Variants in NELL1 observed in about 807,000 individuals in gnomAD.
NELL1 encodes the protein neural EGFL like 1.
In NELL1, 76 loss-of-function variants were observed where a neutral mutation model predicts 107.4. The observed-to-expected ratio is 0.71, with a 90% CI of 0.59 to 0.86. The LOEUF (loss-of-function observed/expected upper bound fraction) is 0.86. NELL1 is among the 40% of genes least tolerant of loss of function. The probability of loss-of-function intolerance (pLI) is 0.00; values close to 1 mark genes in which losing one functional copy is unlikely to be tolerated. For synonymous variants in NELL1, 353 were observed against 341.2 expected, an observed-to-expected ratio of 1.03 and a Z score of -0.38; for missense variants, 1,024 against 1,005.5, an observed-to-expected ratio of 1.02 and a Z score of -0.25.
intron 3 of NELL1, among the ~76,000 whole-genome samples, chr11:20,828,409 T>C (rs1857931127): frequency 6.6e-6 from 1 of 152,212 alleles, no homozygotes; most frequent in African/African-American, 2.4e-5. Context: ...TTGCAAACAC[T>C]AGAAACCCAG....
rs541776708 is a variant in NELL1, at chr11:20,992,750, T to G, written c.1300+32190T>G. On this transcript the variant is annotated intron_variant, in intron 12 of 19. Coordinates refer to ENST00000357134, the MANE Select transcript of NELL1 (RefSeq NM_006157.5). Reference sequence around the variant, plus strand: ...TTTTTTTGAAACAGAGTTTCTCTCCTGTTACCGAGGCTGGAGTGCAATGGT... The same window carrying G: ...TTTTTTTGAAACAGAGTTTCTCTCCGGTTACCGAGGCTGGAGTGCAATGGT... Among the ~76,000 whole-genome samples, 9 of 146,950 alleles carry G rather than the reference T, an allele frequency of 6.1e-5. No individual in the cohort carries two copies. The South Asian group carries it at 1.8e-3, about 29-fold the overall frequency.
chr11:20,733,816 A>G (rs1855700657), intron 2 of NELL1, among the ~76,000 whole-genome samples: 2 of 152,210 alleles, frequency 1.3e-5, no homozygotes, highest in South Asian at 4.1e-4. Flanking sequence ...ACTCTTTACT[A>G]GTTATTGTTT....
intron 12 of NELL1, among the ~76,000 whole-genome samples, chr11:21,060,595 G>T (rs932858318): frequency 6.6e-6 from 1 of 152,172 alleles, no homozygotes; most frequent in Non-Finnish European, 1.5e-5. Flanking sequence ...AGAGAGTTGG[G>T]AGAAGTAGAG....
chr11:20,965,634 CT>C (rs1248880018), intron 12 of NELL1, among the ~76,000 whole-genome samples: 2 of 152,116 alleles, frequency 1.3e-5, no homozygotes, highest in Non-Finnish European at 2.9e-5. Context: ...AAAAAATGAC[CT>C]GAATTGGTAT....
chr11:21,161,985 C>G (rs1395776082), intron 13 of NELL1, among the ~76,000 whole-genome samples: 1 of 105,404 alleles, frequency 9.5e-6, no homozygotes, highest in Non-Finnish European at 1.7e-5. Flanking sequence ...GAGTCTTGCT[C>G]TGTTGCCCAG....
chr11:20,990,412 C>A (rs954259935), intron 12 of NELL1, among the ~76,000 whole-genome samples: 1 of 152,176 alleles, frequency 6.6e-6, no homozygotes, highest in Non-Finnish European at 1.5e-5. Flanking sequence ...TTTCACAGTG[C>A]CCACTTGACC....
intron 16 of NELL1, among the ~76,000 whole-genome samples, chr11:21,549,582 G>A (rs1271332615): frequency 1.3e-5 from 2 of 151,758 alleles, no homozygotes; most frequent in Non-Finnish European, 2.9e-5. Flanking sequence ...GCTGAAAAGT[G>A]AATTTATAAA....
intron 14 of NELL1, among the ~76,000 whole-genome samples, chr11:21,264,377 C>G (rs1901945): frequency 0.47 from 70,831 of 151,562 alleles, 16,847 homozygotes; most frequent in South Asian, 0.68. Flanking sequence ...CTGCACAAGC[C>G]TTGAATATGG....
chr11:20,826,086 GC>G (rs936806624), intron 3 of NELL1, among the ~76,000 whole-genome samples: 3 of 151,414 alleles, frequency 2.0e-5, no homozygotes, highest in African/African-American at 7.2e-5. Flanking sequence ...TGTGTTTGCT[GC>G]TTTTTCCATC....
At chr11:20,679,291 A>C (rs1415431027) in intron 2 of NELL1, among the ~76,000 whole-genome samples, 1 of 152,210 alleles carries the variant, frequency 6.6e-6, no homozygotes, top group Non-Finnish European at 1.5e-5. Flanking sequence ...AAACAGGGAA[A>C]TGAACTGACC....
At chr11:21,551,376 A>T (rs1422394470) in intron 16 of NELL1, among the ~76,000 whole-genome samples, 1 of 151,978 alleles carries the variant, frequency 6.6e-6, no homozygotes, top group East Asian at 1.9e-4. Context: ...TTCCAACACT[A>T]TGTTGAATAG....
At chr11:21,490,565 G>T (rs943997239) in intron 15 of NELL1, among the ~76,000 whole-genome samples, 4 of 150,418 alleles carry the variant, frequency 2.7e-5, no homozygotes, top group Admixed American at 2.0e-4. Context: ...CAAGGCTATA[G>T]TAACCAAAAC....
intron 15 of NELL1, among the ~76,000 whole-genome samples, chr11:21,380,907 C>T (rs1470397112): frequency 1.3e-5 from 2 of 151,984 alleles, no homozygotes; most frequent in African/African-American, 4.8e-5. Context: ...ACTAAATCTG[C>T]CTCTGTGAAG....
intron 15 of NELL1, among the ~76,000 whole-genome samples, chr11:21,429,808 C>T (rs139937444): frequency 6.6e-6 from 1 of 152,238 alleles, no homozygotes; most frequent in East Asian, 1.9e-4. Context: ...TGTGGGTTCA[C>T]AAGAGTTCAG....
intron 4 of NELL1, among the ~76,000 whole-genome samples, chr11:20,867,984 G>T (rs1005243335): frequency 1.3e-4 from 20 of 152,136 alleles, no homozygotes; most frequent in Admixed American, 9.8e-4. Flanking sequence ...ATAGAGGGAG[G>T]GTGGAAGAGA....
At chr11:21,045,476 G>T (rs1004030740) in intron 12 of NELL1, among the ~76,000 whole-genome samples, 3 of 152,082 alleles carry the variant, frequency 2.0e-5, no homozygotes, top group East Asian at 1.9e-4. Flanking sequence ...AGAGTTTCAT[G>T]TTCAAATACA....
Position 20,970,911 on chromosome 11 carries a change from C to T in NELL1, c.1300+10351C>T, listed in dbSNP as rs79309620. On this transcript the variant is annotated intron_variant, in intron 12 of 19. Transcript: ENST00000357134. Reference sequence around the variant, plus strand: ...AACTTTTATTTATGCTTATTTTCATCTCATCCTCAATGAAATAGTTGTTGT... The same window carrying T: ...AACTTTTATTTATGCTTATTTTCATTTCATCCTCAATGAAATAGTTGTTGT... Among the ~76,000 whole-genome samples the T allele has an allele frequency of 5.7e-3, 860 of 152,150 alleles. 11 individuals carry two copies. Among genetic ancestry groups the T allele is most frequent in the African/African-American group, 0.02 (816 of 41,522 alleles).
chr11:20,713,209 G>A (rs188554753), intron 2 of NELL1, among the ~76,000 whole-genome samples: 227 of 152,170 alleles, frequency 1.5e-3, no homozygotes, highest in African/African-American at 5.1e-3. Flanking sequence ...GTGATTGATG[G>A]GCAGGTCTAC....
chr11:21,503,401 T>C (rs1038093570), intron 15 of NELL1, among the ~76,000 whole-genome samples: 3 of 152,102 alleles, frequency 2.0e-5, no homozygotes, highest in Non-Finnish European at 4.4e-5. Context: ...AGGACAAAAA[T>C]CAAATAAGCC....
Sources: gnomAD v4.1 joint callset for allele counts (sites outside exome capture counted in the v4.1 genomes callset) on GRCh38, gnomAD v4.1.1 for gene constraint, MANE v1.5 for transcripts, NCBI Gene and HGNC (gene_info 2026-07-23, HGNC 2026-07-21) for gene names.